Variants in SLC36A1 observed in about 807,000 individuals in gnomAD.
SLC36A1 encodes the protein proton-coupled amino acid transporter 1.
In SLC36A1, 30 loss-of-function variants were observed where a neutral mutation model predicts 47.5. That is an observed-to-expected ratio of 0.63 (90% CI 0.47 to 0.86). The LOEUF is 0.86. SLC36A1 is among the 40% of genes least tolerant of loss of function. SLC36A1 has a pLI of 0.00. For synonymous variants in SLC36A1, 255 were observed against 249.7 expected (o/e 1.02, Z -0.20); for missense variants, 517 against 606.0 (o/e 0.85, Z 1.54).
the SLC36A1 span, among the ~76,000 whole-genome samples, chr5:151,383,851 G>A: frequency 2.0e-5 from 3 of 152,080 alleles, no homozygotes; most frequent in Non-Finnish European, 4.4e-5. Flanking sequence ...GAGATTACAG[G>A]CGTGAGCCAC....
the SLC36A1 span, among the ~76,000 whole-genome samples, chr5:151,533,224 G>A: frequency 3.3e-5 from 5 of 152,106 alleles, no homozygotes; most frequent in African/African-American, 7.2e-5. Context: ...GTCCCTGGAG[G>A]TGTGTAAGCA....
At chr5:151,512,245 G>C in the SLC36A1 span, 3,991 of 1,614,206 alleles carry the variant, frequency 2.5e-3, 91 homozygotes, top group African/African-American at 0.045. This position sits in a 1 kb window ranked among gnomAD's most constrained non-coding sequence, Gnocchi z 4.1. Context: ...GCAGCACTGG[G>C]TGAGGGCTTG....
At chr5:151,540,870 G>C in the SLC36A1 span, 4 of 1,042,410 alleles carry the variant, frequency 3.8e-6, no homozygotes, top group Admixed American at 5.3e-5. Context: ...TGTTGGGAAA[G>C]CAAACATTTC....
chr5:151,345,677 G>A, the SLC36A1 span, among the ~76,000 whole-genome samples: 2 of 152,168 alleles, frequency 1.3e-5, no homozygotes, highest in South Asian at 2.1e-4. Context: ...AAGGGTCAGC[G>A]GGTTACTTTG....
chr5:151,510,538 GACAGGT>G, the SLC36A1 span: 1 of 182,298 alleles, frequency 5.5e-6, no homozygotes, highest in Admixed American at 5.6e-5. Context: ...CTCATCAGGG[GACAGGT>G]ACAAAGGGAT....
At chr5:151,442,065 G>C (rs75442885) in intron 1 of SLC36A1, among the ~76,000 whole-genome samples, 6,415 of 148,190 alleles carry the variant, frequency 0.043, 443 homozygotes, top group African/African-American at 0.16. Flanking sequence ...ATTATTTTTT[G>C]ATTTATCCAT....
the SLC36A1 span, among the ~76,000 whole-genome samples, chr5:151,374,678 T>C: frequency 6.6e-6 from 1 of 152,220 alleles, no homozygotes; most frequent in Non-Finnish European, 1.5e-5. Flanking sequence ...TAATTTACAT[T>C]CTCTAATGCA....
At chr5:151,448,604 G>A (rs1753168371) in intron 1 of SLC36A1, among the ~76,000 whole-genome samples, 1 of 152,212 alleles carries the variant, frequency 6.6e-6, no homozygotes, top group South Asian at 2.1e-4. Flanking sequence ...CCGAGGTTGT[G>A]GAGAGCCCTG....
the SLC36A1 span, among the ~76,000 whole-genome samples, chr5:151,396,992 T>C: frequency 6.6e-6 from 1 of 152,248 alleles, no homozygotes; most frequent in Non-Finnish European, 1.5e-5. Flanking sequence ...GAGTTCTCTG[T>C]GACCCACCAT....
At chr5:151,528,211 C>A in the SLC36A1 span, 6 of 1,547,056 alleles carry the variant, frequency 3.9e-6, no homozygotes, top group South Asian at 7.3e-5. Context: ...ACAGATATGT[C>A]CCTGCCCCAG....
At chr5:151,352,946 C>T in the SLC36A1 span, among the ~76,000 whole-genome samples, 2 of 152,230 alleles carry the variant, frequency 1.3e-5, no homozygotes, top group South Asian at 2.1e-4. Flanking sequence ...CCTCTCTATG[C>T]AGCATTCCTT....
intron 8 of SLC36A1, 108 bp downstream of exon 8, chr5:151,473,879 G>A: frequency 2.2e-6 from 2 of 904,410 alleles, no homozygotes; most frequent in East Asian, 5.0e-5. Flanking sequence ...ATCTTCTGAG[G>A]CCAGGCATGG....
the SLC36A1 span, among the ~76,000 whole-genome samples, chr5:151,525,614 T>C: frequency 6.6e-6 from 1 of 152,230 alleles, no homozygotes; most frequent in Non-Finnish European, 1.5e-5. Flanking sequence ...CTGAGTGTTA[T>C]GAGGCTTTAG....
At chr5:151,512,617 A>G in the SLC36A1 span, 1 of 1,584,616 alleles carries the variant, frequency 6.3e-7, no homozygotes. The surrounding 1 kb of genome is among the most constrained non-coding windows in gnomAD (Gnocchi z 4.1). Flanking sequence ...CTGCAAAGGA[A>G]ATCCAAACAG....
chr5:151,347,227 C>T, the SLC36A1 span: 42 of 1,590,898 alleles, frequency 2.6e-5, no homozygotes, highest in Non-Finnish European at 3.4e-5. Flanking sequence ...ACACACCCAC[C>T]TCAGGGTTTT....
upstream of SLC36A1, among the ~76,000 whole-genome samples, chr5:151,446,386 C>T (rs369269834): frequency 9.2e-5 from 14 of 152,186 alleles, no homozygotes; most frequent in Middle Eastern, 3.4e-3. Context: ...CAAAATTAGT[C>T]GCGCGTGGTG....
chr5:151,367,818 C>T, the SLC36A1 span, among the ~76,000 whole-genome samples: 1 of 152,168 alleles, frequency 6.6e-6, no homozygotes, highest in Non-Finnish European at 1.5e-5. Flanking sequence ...TGTTCAGGGT[C>T]CCTGACTTCC....
intron 10 of SLC36A1, among the ~76,000 whole-genome samples, chr5:151,482,734 T>G (rs1758968751): frequency 1.3e-5 from 2 of 152,226 alleles, no homozygotes; most frequent in African/African-American, 2.4e-5. Context: ...ACATGGTGGT[T>G]GTTTCCCTTG....
chr5:151,484,203 G>A (rs1759211032), intron 10 of SLC36A1, among the ~76,000 whole-genome samples: 1 of 152,082 alleles, frequency 6.6e-6, no homozygotes, highest in African/African-American at 2.4e-5. Context: ...GAGAGGGTGG[G>A]GAGATGACAG....
Sources: gnomAD v4.1 joint callset for allele counts (sites outside exome capture counted in the v4.1 genomes callset) on GRCh38, gnomAD v4.1.1 for gene constraint, Gnocchi (gnomAD v3.1) non-coding constraint, MANE v1.5 for transcripts, NCBI Gene and HGNC (gene_info 2026-07-23, HGNC 2026-07-21) for gene names.